Variants in ABTB2 observed in about 807,000 individuals in gnomAD.
The protein encoded by ABTB2 is ankyrin repeat and BTB domain containing 2, also known as ankyrin repeat and BTB/POZ domain-containing protein 2.
A neutral mutation model predicts 104.1 loss-of-function variants in ABTB2; 56 were observed. The ratio of observed to expected loss-of-function variants is 0.54; its 90% CI spans 0.43 to 0.67. The LOEUF is 0.67. ABTB2 is among the 30% of genes least tolerant of loss of function. The probability of loss-of-function intolerance (pLI) is 0.00; values close to 1 mark genes in which losing one functional copy is unlikely to be tolerated. For missense variants in ABTB2, 1,279 were observed against 1,407.7 expected (o/e 0.91, Z 1.46); for synonymous variants, 606 against 608.2 (o/e 1.00, Z 0.05).
chr11:34,350,397 C>T (rs1031419221), intron 1 of ABTB2, among the ~76,000 whole-genome samples: 1 of 152,196 alleles, frequency 6.6e-6, no homozygotes, highest in South Asian at 2.1e-4. Context: ...AGAAGAGCAT[C>T]GCAGTGTACT....
chr11:34,232,462 A>C (rs1590224596), intron 1 of ABTB2, among the ~76,000 whole-genome samples: 1 of 151,692 alleles, frequency 6.6e-6, no homozygotes, highest in Admixed American at 6.6e-5. Context: ...AAAAAAAAAA[A>C]AAAATTGTTC....
chr11:34,357,229 G>A lies in ABTB2; in HGVS notation c.355C>T (p.Gln119Ter), dbSNP rs1855478615. 6.6e-7 allele frequency: 1 copy of A among 1,508,292 alleles called. No homozygotes were observed. The highest frequency in any genetic ancestry group is 8.8e-7 in the Non-Finnish European group (1 of 1,134,418). 93.4% of individuals were successfully genotyped at this position (1,508,292 alleles called of 1,614,324 possible). Reference sequence around the variant, plus strand: ...CGCCTCACCGCCTCGGCGGAGAACTGGGGCAGCCGCCGGCCGCCAGCGCCT... The same window carrying A: ...CGCCTCACCGCCTCGGCGGAGAACTAGGGCAGCCGCCGGCCGCCAGCGCCT... ...RKGAGGRRLP[Q>*]FSAEAVRRLA... The change falls in exon 1 of 17, where the codon CAG becomes TAG. Residue 119 changes from glutamine to a stop codon, truncating the protein, a stop_gained. Coordinates refer to ENST00000435224, the MANE Select transcript of ABTB2 (RefSeq NM_145804.3). LOFTEE classifies it high-confidence loss of function.
At chr11:34,340,430 A>G (rs1448383914) in intron 1 of ABTB2, among the ~76,000 whole-genome samples, 1 of 152,230 alleles carries the variant, frequency 6.6e-6, no homozygotes, top group Non-Finnish European at 1.5e-5. Flanking sequence ...CATTTCGCAG[A>G]TGAGAAGATT....
rs1292695162 is a variant in ABTB2 at position 34,248,110 on chromosome 11, A to C, written c.884-43420T>G. On this transcript the variant is annotated intron_variant, in intron 1 of 16. Transcript: ENST00000435224. ...ATAATTTTTCTTAAAAAAAAAAAAAAAAAAAAAAAAAACAGGGTCTTGCCC... is the reference window on the plus strand; with the variant it reads ...ATAATTTTTCTTAAAAAAAAAAAAACAAAAAAAAAAAACAGGGTCTTGCCC... 4.8e-3 allele frequency among the ~76,000 whole-genome samples: 327 copies of C among 68,062 alleles called. 14 individuals are homozygous for C. Among genetic ancestry groups the C allele is most frequent in the South Asian group, 0.014 (32 of 2,298 alleles). 44.7% of individuals were successfully genotyped at this position (68,062 alleles called of 152,430 possible). A position where few individuals can be genotyped will look rare whatever the true frequency, so the allele number is the denominator to read the frequency against.
At chr11:34,195,080 G>GGGGGGGGC (rs1554982332) in intron 3 of ABTB2, among the ~76,000 whole-genome samples, 1 of 101,102 alleles carries the variant, frequency 9.9e-6, no homozygotes, top group Non-Finnish European at 2.4e-5. Context: ...CCCGGCGGGG[G>GGGGGGGGC]GGGGGAGTGG....
chr11:34,255,976 A>G (rs929858161), intron 1 of ABTB2, among the ~76,000 whole-genome samples: 1 of 152,156 alleles, frequency 6.6e-6, no homozygotes. Flanking sequence ...GGGCATCACT[A>G]CCCAGCCCAG....
chr11:34,202,794 G>A (rs1323067842), intron 2 of ABTB2, among the ~76,000 whole-genome samples: 1 of 152,088 alleles, frequency 6.6e-6, no homozygotes, highest in East Asian at 1.9e-4. Context: ...AGCCAAGTTT[G>A]TACCACCACA....
chr11:34,272,502 T>A (rs1398109400), intron 1 of ABTB2, among the ~76,000 whole-genome samples: 1 of 151,660 alleles, frequency 6.6e-6, no homozygotes, highest in Admixed American at 6.6e-5. Context: ...GGTCAGGAGA[T>A]TGAGACCATC....
intron 1 of ABTB2, among the ~76,000 whole-genome samples, chr11:34,271,734 A>AATAC (rs11268199): frequency 0.044 from 6,525 of 149,874 alleles, 147 homozygotes; most frequent in Middle Eastern, 0.048. Context: ...CCCTATCTCA[A>AATAC]ATACATACAT....
intron 1 of ABTB2, among the ~76,000 whole-genome samples, chr11:34,279,259 ATATATT>A (rs1205011725): frequency 6.6e-6 from 1 of 152,142 alleles, no homozygotes; most frequent in African/African-American, 2.4e-5. Flanking sequence ...TGTGTTCTTT[ATATATT>A]TATATTTATC....
intron 3 of ABTB2, among the ~76,000 whole-genome samples, chr11:34,177,716 C>T (rs1175279200): frequency 1.3e-5 from 2 of 152,124 alleles, no homozygotes; most frequent in Non-Finnish European, 2.9e-5. Context: ...CACAGACATG[C>T]ACCACCATGC....
intron 1 of ABTB2, among the ~76,000 whole-genome samples, chr11:34,282,149 C>T (rs1246956842): frequency 6.6e-6 from 1 of 152,126 alleles, no homozygotes; most frequent in Non-Finnish European, 1.5e-5. Flanking sequence ...CTCCCTGCAT[C>T]CTCACACGGT....
intron 1 of ABTB2, among the ~76,000 whole-genome samples, chr11:34,213,476 A>G (rs2611088): frequency 0.59 from 89,221 of 151,956 alleles, 27,528 homozygotes; most frequent in East Asian, 0.75. Context: ...GCGAGACGCC[A>G]TCTCAAAAAC....
intron 2 of ABTB2, among the ~76,000 whole-genome samples, 157 bp downstream of exon 2, chr11:34,204,387 G>A (rs1337792279): frequency 1.3e-5 from 2 of 152,156 alleles, no homozygotes; most frequent in Admixed American, 6.5e-5. Context: ...GCAACCTCTG[G>A]TCTAGAAAGA....
chr11:34,353,624 T>C (rs187163824), intron 1 of ABTB2, among the ~76,000 whole-genome samples: 148 of 152,344 alleles, frequency 9.7e-4, no homozygotes, highest in African/African-American at 3.2e-3. Flanking sequence ...TGCAGAACTT[T>C]TATTATCCAT....
chr11:34,272,706 CAAA>C (rs35638814), intron 1 of ABTB2, among the ~76,000 whole-genome samples: 3 of 41,060 alleles, frequency 7.3e-5, no homozygotes. Context: ...GACTCCGTCT[CAAA>C]AAAAAAAAAA....
intron 1 of ABTB2, among the ~76,000 whole-genome samples, chr11:34,336,788 A>G (rs1855197483): frequency 1.3e-5 from 2 of 152,132 alleles, no homozygotes; most frequent in Admixed American, 1.3e-4. Flanking sequence ...ATGCCAAAGG[A>G]AGGGTGGCCA....
At chr11:34,329,288 C>T (rs574073756) in intron 1 of ABTB2, among the ~76,000 whole-genome samples, 1 of 152,324 alleles carries the variant, frequency 6.6e-6, no homozygotes, top group East Asian at 1.9e-4. Flanking sequence ...TACCCTTGCC[C>T]TACTTAATGT....
At chr11:34,253,111 C>G (rs1854074371) in intron 1 of ABTB2, among the ~76,000 whole-genome samples, 1 of 152,198 alleles carries the variant, frequency 6.6e-6, no homozygotes, top group Non-Finnish European at 1.5e-5. Flanking sequence ...CCAGAAGCCC[C>G]AGCTCCTCCA....
Sources: gnomAD v4.1 joint callset for allele counts (sites outside exome capture counted in the v4.1 genomes callset) on GRCh38, gnomAD v4.1.1 for gene constraint, MANE v1.5 for transcripts, NCBI Gene and HGNC (gene_info 2026-07-23, HGNC 2026-07-21) for gene names.